Variants in LYSMD4 observed in about 807,000 individuals in gnomAD.
The protein encoded by LYSMD4 is LysM domain containing 4, also known as lysM and putative peptidoglycan-binding domain-containing protein 4.
In LYSMD4, 9 loss-of-function variants were observed where a neutral mutation model predicts 6.1. The ratio of observed to expected loss-of-function variants is 1.47; its 90% CI spans 0.88 to 2.56. The LOEUF is 2.56. Ranked by LOEUF, LYSMD4 falls within the 30% of genes most tolerant of loss-of-function variation. LYSMD4 has a pLI of 0.00. For missense variants in LYSMD4, 384 were observed against 373.5 expected, an observed-to-expected ratio of 1.03 and a Z score of -0.23; for synonymous variants, 143 against 148.5, an observed-to-expected ratio of 0.96 and a Z score of 0.27.
chr15:99,730,190 A>G (rs2141127311), intron 2 of LYSMD4, among the ~76,000 whole-genome samples: 1 of 152,356 alleles, frequency 6.6e-6, no homozygotes, highest in East Asian at 1.9e-4. Flanking sequence ...CCAAACACAC[A>G]GCCTCAGCCA....
chr15:99,729,843 C>G (rs1014897714), intron 2 of LYSMD4, 112 bp from the exon 3 acceptor site: 2 of 1,312,696 alleles, frequency 1.5e-6, no homozygotes, highest in Admixed American at 5.3e-5. Context: ...ACTTCACTGA[C>G]GAATCTGATG....
downstream of LYSMD4, among the ~76,000 whole-genome samples, chr15:99,724,416 G>A (rs2059261634): frequency 6.6e-6 from 1 of 152,168 alleles, no homozygotes. Context: ...GCATGCTACT[G>A]TGCCTGGCTA....
At chr15:99,726,150 T>TTTG (rs1555507912), downstream of LYSMD4, among the ~76,000 whole-genome samples, 5 of 130,494 alleles carry the variant, frequency 3.8e-5, no homozygotes, top group African/African-American at 1.4e-4. Context: ...CAAGTGGTTT[T>TTTG]TTTTTTTTTT....
upstream of LYSMD4, among the ~76,000 whole-genome samples, chr15:99,718,939 ACATC>A (rs1244592983): frequency 6.8e-6 from 1 of 147,112 alleles, no homozygotes; most frequent in East Asian, 2.0e-4. Flanking sequence ...ACACACACAC[ACATC>A]CATCCATATT....
At chr15:99,718,580 G>C (rs559898427), upstream of LYSMD4, among the ~76,000 whole-genome samples, 1 of 152,210 alleles carries the variant, frequency 6.6e-6, no homozygotes, top group African/African-American at 2.4e-5. Context: ...TTGTGGACTC[G>C]GATTTTATTT....
rs2141118445 is a variant in LYSMD4, at chr15:99,728,834, T to A, written c.*289A>T. 2.4e-6 allele frequency: 1 copy of A among 419,706 alleles called. No individual in the cohort carries two copies. The allele number at this position is 419,706 out of a possible 1,614,324, so 26.0% of individuals were successfully genotyped here. Reference sequence around the variant, plus strand: ...CCGAGCACGTCCAACTTGGGGGTCCTCACAGTGCTGCTATGAACTGGCCAG... The same window carrying A: ...CCGAGCACGTCCAACTTGGGGGTCCACACAGTGCTGCTATGAACTGGCCAG... On this transcript the variant is annotated 3_prime_UTR_variant, in exon 3 of 3. Transcript: ENST00000684762.
At chr15:99,716,626 G>A in exon 2 of LYSMD4, 1 of 456,742 alleles carries the variant, frequency 2.2e-6, no homozygotes, top group Non-Finnish European at 4.4e-6. Context: ...TCTCTGGGTT[G>A]AGACAGGGTC....
In LYSMD4 at chr15:99,731,873, A is replaced by C; in HGVS notation, c.127T>G (p.Ser43Ala). The change falls in exon 2 of 3, where the codon TCT becomes GCT. Residue 43 changes from serine to alanine, a missense_variant. By Grantham distance (99) the Ser-to-Ala change is moderately conservative. Transcript: ENST00000684762. ...GDSGDSSEEESHRVVLRPRGK... is the reference protein window; with the variant it reads ...GDSGDSSEEEAHRVVLRPRGK... ...CGGGGCCGCAAAACCACACGGTGAG[A>C]CTCTTCTTCAGAAGAGTCCCCCGAG... 1 of 1,613,308 alleles carries C rather than the reference A, an allele frequency of 6.2e-7. No individual in the cohort carries two copies. The highest frequency in any genetic ancestry group is 1.3e-5 in the African/African-American group (1 of 74,938).
At position 99,731,892 on chromosome 15, in the gene LYSMD4, C is replaced by T; in HGVS notation, c.108G>A (p.Gly36=). 1 of 1,613,512 alleles carries T rather than the reference C, an allele frequency of 6.2e-7. No homozygotes were observed. Among genetic ancestry groups the T allele is most frequent in the Non-Finnish European group, 8.5e-7 (1 of 1,180,012 alleles). Reference sequence around the variant, plus strand: ...GGTGAGACTCTTCTTCAGAAGAGTCCCCCGAGTCCCCACTGCCATTCTTAA... The same window carrying T: ...GGTGAGACTCTTCTTCAGAAGAGTCTCCCGAGTCCCCACTGCCATTCTTAA... The part of the protein sequence containing the change: ...YMFKNGSGDS[G]DSSEEESHRV... The change falls in exon 2 of 3, where the codon GGG becomes GGA. Residue 36 remains glycine, a synonymous_variant. Coordinates refer to ENST00000684762, the MANE Select transcript of LYSMD4 (RefSeq NM_001284417.2).
chr15:99,719,078 G>C (rs2059218515), upstream of LYSMD4, among the ~76,000 whole-genome samples: 1 of 152,188 alleles, frequency 6.6e-6, no homozygotes, highest in East Asian at 1.9e-4. Context: ...TTATTGTTCA[G>C]TTCCAGTGTA....
At chr15:99,718,375 T>C (rs759377932), upstream of LYSMD4, among the ~76,000 whole-genome samples, 11 of 152,142 alleles carry the variant, frequency 7.2e-5, no homozygotes, top group Non-Finnish European at 1.0e-4. Context: ...GTTTCTTCAA[T>C]GTAAAAAGTT....
At chr15:99,716,490 G>A (rs538633196) in exon 1 of LYSMD4, 10 of 456,816 alleles carry the variant, frequency 2.2e-5, no homozygotes, top group East Asian at 1.4e-4. Context: ...CTTCCTGTGC[G>A]TCGAGACTCT....
At chr15:99,732,758 C>T (rs898488726) in intron 1 of LYSMD4, among the ~76,000 whole-genome samples, 1 of 152,276 alleles carries the variant, frequency 6.6e-6, no homozygotes, top group Non-Finnish European at 1.5e-5. Context: ...AAAAAGGTGG[C>T]TTCGGAGCCA....
upstream of LYSMD4, among the ~76,000 whole-genome samples, chr15:99,721,305 G>A (rs1212885547): frequency 6.6e-6 from 1 of 152,186 alleles, no homozygotes; most frequent in Non-Finnish European, 1.5e-5. Context: ...CAAAGAAGCA[G>A]GAGGATTTAG....
At chr15:99,717,929 A>G (rs1239013054), upstream of LYSMD4, 1 of 152,216 alleles carries the variant, frequency 6.6e-6, no homozygotes, top group Non-Finnish European at 1.5e-5. Context: ...TGACTTACAG[A>G]AAAGTTGGGA....
chr15:99,722,495 A>G (rs2059244715), downstream of LYSMD4, among the ~76,000 whole-genome samples: 1 of 152,356 alleles, frequency 6.6e-6, no homozygotes, highest in South Asian at 2.1e-4. Context: ...CACCATGTCT[A>G]GCATCCAACA....
At chr15:99,724,226 C>T (rs532981538), downstream of LYSMD4, among the ~76,000 whole-genome samples, 2 of 145,634 alleles carry the variant, frequency 1.4e-5, no homozygotes, top group African/African-American at 5.6e-5. Flanking sequence ...GTGTGTTCTA[C>T]CGTATCTCTA....
At position 99,727,506 on chromosome 15, in the gene LYSMD4, CTGG is replaced by C. The variant is rs2059299664; in HGVS notation, c.*1614_*1616del. 1 of 152,298 alleles carries C rather than the reference CTGG, an allele frequency of 6.6e-6. No homozygotes were observed. Among genetic ancestry groups the C allele is most frequent in the East Asian group, 1.9e-4 (1 of 5,190 alleles). 9.4% of individuals were successfully genotyped at this position (152,298 alleles called of 1,614,324 possible). A position where few individuals can be genotyped will look rare whatever the true frequency, so the allele number is the denominator to read the frequency against. On this transcript the variant is annotated 3_prime_UTR_variant, in exon 3 of 3. Transcript: ENST00000684762. Reference sequence around the variant, plus strand: ...TTTGTCATGGAACTCCAAGGCCTGCCTGGTGAAGTGACAGTGACAGATGTTAGA... The same window carrying C: ...TTTGTCATGGAACTCCAAGGCCTGCCTGAAGTGACAGTGACAGATGTTAGA...
At chr15:99,726,785 C>G (rs1303397935), downstream of LYSMD4, among the ~76,000 whole-genome samples, 2 of 152,160 alleles carry the variant, frequency 1.3e-5, no homozygotes, top group Admixed American at 1.3e-4. Context: ...AATATTCCCT[C>G]CCCAAAGACA....
Sources: allele counts gnomAD v4.1 joint callset (sites outside exome capture counted in the v4.1 genomes callset), GRCh38; gene constraint gnomAD v4.1.1; transcripts MANE v1.5; gene names NCBI Gene and HGNC (gene_info 2026-07-23, HGNC 2026-07-21).